Variants in FCRL3 observed in about 807,000 individuals in gnomAD.
FCRL3 encodes the protein Fc receptor-like protein 3.
In FCRL3, 89 loss-of-function variants were observed where a neutral mutation model predicts 75.0. The observed-to-expected ratio is 1.19, with a 90% CI of 1.00 to 1.42. The LOEUF (loss-of-function observed/expected upper bound fraction) is 1.42. FCRL3 is among the 40% of genes most tolerant of loss of function. The pLI, the probability that FCRL3 is intolerant of heterozygous loss-of-function variation, is 0.00. For synonymous variants in FCRL3, 376 were observed against 348.5 expected (o/e 1.08, Z -0.88); for missense variants, 946 against 880.0 (o/e 1.07, Z -0.95).
chr1:157,683,718 A>T (rs1434553966), intron 10 of FCRL3, among the ~76,000 whole-genome samples: 2 of 151,880 alleles, frequency 1.3e-5, no homozygotes, highest in Admixed American at 6.6e-5. Context: ...GTGACCCCTC[A>T]CCCCTGCAAG....
chr1:157,683,182 G>T, intron 11 of FCRL3, 35 bp downstream of exon 11: 1 of 1,602,646 alleles, frequency 6.2e-7, no homozygotes, highest in Non-Finnish European at 8.5e-7. Context: ...AATAAATCAT[G>T]AAAATGTTGG....
chr1:157,677,068 C>A lies in FCRL3; in HGVS notation c.*1642G>T. 1 of 1,167,890 alleles carries A rather than the reference C, an allele frequency of 8.6e-7. No homozygotes were observed. Among genetic ancestry groups the A allele is most frequent in the East Asian group, 5.3e-5 (1 of 18,964 alleles). 72.3% of individuals were successfully genotyped at this position (1,167,890 alleles called of 1,614,324 possible). ...ACTGGCAGAGATCAGCATCTCAGTACGGGCAGGACATCATGCCCTGCACTC... is the reference window on the plus strand; with the variant it reads ...ACTGGCAGAGATCAGCATCTCAGTAAGGGCAGGACATCATGCCCTGCACTC... On this transcript the variant is annotated 3_prime_UTR_variant, in exon 15 of 15. Coordinates refer to ENST00000368184, the MANE Select transcript of FCRL3 (RefSeq NM_052939.4).
intron 8 of FCRL3, among the ~76,000 whole-genome samples, chr1:157,694,993 C>A (rs933824665): frequency 2.6e-5 from 4 of 151,868 alleles, no homozygotes; most frequent in Admixed American, 2.6e-4. Context: ...CAAAGGAATT[C>A]AGAAATAAAG....
At chr1:157,679,494 T>C (rs990195026) in intron 13 of FCRL3, among the ~76,000 whole-genome samples, 6 of 152,142 alleles carry the variant, frequency 3.9e-5, no homozygotes, top group African/African-American at 4.8e-5. Flanking sequence ...CATTGGAGCA[T>C]TGAGAAAATT....
At chr1:157,696,619 T>C (rs1279468510) in intron 6 of FCRL3, 1 of 408,758 alleles carries the variant, frequency 2.4e-6, no homozygotes, top group Admixed American at 3.9e-5. Context: ...CTTTGATGCA[T>C]CAATAAACCA....
At position 157,697,589 on chromosome 1, in the gene FCRL3, T is replaced by A. The variant is rs543530234; in HGVS notation, c.559+70A>T. On this transcript the variant is annotated intron_variant, in intron 5 of 14. Coordinates refer to ENST00000368184, the MANE Select transcript of FCRL3 (RefSeq NM_052939.4). ...AGGAGACTCTTTATGAAATTCCCAC[T>A]GATAAACATCTTCCCTTTATCCCCA... The A allele has an allele frequency of 8.2e-5, 126 of 1,529,542 alleles. 2 individuals are homozygous for A. In the South Asian group the frequency reaches 1.6e-3, roughly 19 times the overall value. The allele number at this position is 1,529,542 out of a possible 1,614,324, so 94.7% of individuals were successfully genotyped here.
chr1:157,690,220 A>T (rs1431845665), intron 9 of FCRL3, 35 bp downstream of exon 9: 1 of 1,604,756 alleles, frequency 6.2e-7, no homozygotes, highest in Non-Finnish European at 8.5e-7. Flanking sequence ...TATTTACCAT[A>T]ACTGTGACCT....
intron 8 of FCRL3, among the ~76,000 whole-genome samples, chr1:157,694,731 C>T (rs531995141): frequency 1.3e-5 from 2 of 151,952 alleles, no homozygotes; most frequent in African/African-American, 4.8e-5. Flanking sequence ...TTAGGGGATA[C>T]TGAGAACATC....
In FCRL3 at chr1:157,698,502, G is replaced by A. The variant is rs150760371; in HGVS notation, c.180C>T (p.His60=). 35 of 1,614,018 alleles carry A rather than the reference G, an allele frequency of 2.2e-5. No individual in the cohort carries two copies. The highest frequency in any genetic ancestry group is 9.3e-5 in the African/African-American group (7 of 74,900). Residue 60 remains histidine (H), a synonymous_variant, in exon 4 of 15, where the codon CAC becomes CAT. Transcript: ENST00000368184. Reference sequence around the variant, plus strand: ...GTTTTATTTTCAACAACTTCTCATCGTGATACCAATATGTGTCTCCCTGGG... The same window carrying A: ...GTTTTATTTTCAACAACTTCTCATCATGATACCAATATGTGTCTCCCTGGG... ...SLAQGDTYWY[H]DEKLLKIKHD... is the part of the protein sequence containing the mutation.
intron 8 of FCRL3, 36 bp downstream of exon 8, chr1:157,695,293 A>G: frequency 8.2e-6 from 13 of 1,589,316 alleles, no homozygotes; most frequent in Non-Finnish European, 1.1e-5. Context: ...GATCTGTTGT[A>G]TTGGCTGTTA....
At chr1:157,693,090 A>G (rs936364341) in intron 8 of FCRL3, among the ~76,000 whole-genome samples, 8 of 152,040 alleles carry the variant, frequency 5.3e-5, no homozygotes, top group African/African-American at 1.9e-4. Context: ...AGCCTGGGCA[A>G]CATGACGAAA....
At position 157,688,993 on chromosome 1, in the gene FCRL3, G is replaced by T. The variant is rs371341402; in HGVS notation, c.1810+805C>A. Among the ~76,000 whole-genome samples, 5 of 151,976 alleles carry T rather than the reference G, an allele frequency of 3.3e-5. No homozygotes were observed. In the East Asian group the frequency reaches 9.6e-4, roughly 29 times the overall value. ...TGTGTAAAATCTCTCAGCAAATTAG[G>T]AATAGGAGGGACTTCCTCCACCAGA... On this transcript the variant is annotated intron_variant, in intron 10 of 14. Coordinates refer to ENST00000368184, the MANE Select transcript of FCRL3 (RefSeq NM_052939.4).
intron 8 of FCRL3, 128 bp downstream of exon 8, chr1:157,695,201 C>A: frequency 1.1e-6 from 1 of 949,442 alleles, no homozygotes; most frequent in South Asian, 1.8e-5. Flanking sequence ...CCCAGAACTC[C>A]CAGGTGGAGT....
At chr1:157,680,814 A>G (rs776624424) in intron 12 of FCRL3, 44 bp from the exon 13 acceptor site, 1 of 1,558,792 alleles carries the variant, frequency 6.4e-7, no homozygotes, top group Non-Finnish European at 8.8e-7. Flanking sequence ...AAGAGCTCAT[A>G]TTCTAGACTC....
At chr1:157,684,630 C>G (rs1322101212) in intron 10 of FCRL3, among the ~76,000 whole-genome samples, 2 of 152,150 alleles carry the variant, frequency 1.3e-5, no homozygotes, top group Non-Finnish European at 2.9e-5. Context: ...TATGGGCCAG[C>G]ACGGTGCTAA....
Position 157,696,063 on chromosome 1 carries a change from G to A in FCRL3, c.1109C>T (p.Thr370Met), listed in dbSNP as rs763145695. ...ACTTCTCACGGTGACTCGAATCCAC[G>A]TGCTGAGGATGGGGCTGTGAACGTT... ...ADNVHSPILS[T>M]WIRVTVRIPV... The change falls in exon 7 of 15, where the codon ACG (threonine) becomes ATG (methionine). Residue 370 changes from threonine to methionine, a missense_variant. Coordinates refer to ENST00000368184, the MANE Select transcript of FCRL3 (RefSeq NM_052939.4). The A allele has an allele frequency of 9.0e-5, 145 of 1,611,108 alleles. 1 individual carries two copies. The South Asian group carries it at 1.1e-3, about 12-fold the overall frequency.
intron 2 of FCRL3, among the ~76,000 whole-genome samples, chr1:157,700,218 C>A (rs1656227799): frequency 6.6e-6 from 1 of 152,092 alleles, no homozygotes; most frequent in African/African-American, 2.4e-5. Flanking sequence ...AAGGAAAAAT[C>A]CAAGTTTCCT....
At chr1:157,697,042 C>G (rs1376064458) in intron 6 of FCRL3, 98 bp downstream of exon 6, 12 of 1,161,292 alleles carry the variant, frequency 1.0e-5, no homozygotes, top group Non-Finnish European at 1.4e-5. Context: ...GCTGGACACT[C>G]CTCTCTGTTA....
At position 157,680,747 on chromosome 1, in the gene FCRL3, T is replaced by G. The variant is rs1440604653; in HGVS notation, c.1981A>C (p.Ile661Leu). 3.7e-6 allele frequency: 6 copies of G among 1,613,968 alleles called. No homozygotes were observed. The change falls in exon 13 of 15, where the codon ATT (isoleucine) becomes CTT (leucine). Residue 661 changes from isoleucine to leucine, a missense_variant. Physicochemically the swap from Ile to Leu is conservative, Grantham distance 5 (BLOSUM62 2). Transcript: ENST00000368184. ...TGGATGCTCCAGATCTGGGAATAAA[T>G]CGGGTTGCTATCTCCAGGATTTACT... The part of the protein sequence containing the change: ...SNVNPGDSNP[I>L]YSQIWSIQHT...
Sources: gnomAD v4.1 joint callset for allele counts (sites outside exome capture counted in the v4.1 genomes callset) on GRCh38, gnomAD v4.1.1 for gene constraint, MANE v1.5 for transcripts, NCBI Gene and HGNC (gene_info 2026-07-23, HGNC 2026-07-21) for gene names.